The following CHD4 variants were observed in gnomAD, a reference collection of about 807,000 sequenced individuals.
CHD4 encodes the protein chromodomain helicase DNA binding protein 4, also known as ATP-dependent chromatin remodeler CHD4.
CHD4 carries 35 observed loss-of-function variants against 235.5 expected under a neutral mutation model. The ratio of observed to expected loss-of-function variants is 0.15; its 90% CI spans 0.11 to 0.20. CHD4 has a LOEUF of 0.20. CHD4 is among the 10% of genes least tolerant of loss of function. The pLI, the probability that CHD4 is intolerant of heterozygous loss-of-function variation, is 1.00. For synonymous variants in CHD4, 900 were observed against 850.2 expected (o/e 1.06, Z -1.02); for missense variants, 1,329 against 2,432.3 (o/e 0.55, Z 9.54).
In CHD4 at chr12:6,570,564, A is replaced by G. The variant is rs1947946152; in HGVS notation, c.*112T>C. 1.5e-6 allele frequency: 2 copies of G among 1,343,846 alleles called. No individual in the cohort carries two copies. The highest frequency in any genetic ancestry group is 4.6e-5 in the East Asian group (2 of 43,460). The allele number at this position is 1,343,846 out of a possible 1,614,324, so 83.2% of individuals were successfully genotyped here. A position where few individuals can be genotyped will look rare whatever the true frequency, so the allele number is the denominator to read the frequency against. Reference sequence around the variant, plus strand: ...CTGGGGCTGTTCCTTTACAACATGGAAGATGGGCAGAAGGAAGGTGAGGGT... The same window carrying G: ...CTGGGGCTGTTCCTTTACAACATGGGAGATGGGCAGAAGGAAGGTGAGGGT... On this transcript the variant is annotated 3_prime_UTR_variant, in exon 40 of 40. Coordinates refer to ENST00000544040, the MANE Select transcript of CHD4 (RefSeq NM_001273.5).
intron 30 of CHD4, 72 bp downstream of exon 30, chr12:6,582,065 A>G: frequency 6.9e-7 from 1 of 1,446,000 alleles, no homozygotes; most frequent in Non-Finnish European, 9.2e-7. Flanking sequence ...AGCCTCCCAA[A>G]GTGCTGGGAT....
At chr12:6,578,228 C>A in intron 35 of CHD4, 91 bp from the exon 36 acceptor site, 1 of 1,357,074 alleles carries the variant, frequency 7.4e-7, no homozygotes, top group Non-Finnish European at 1.0e-6. Flanking sequence ...CCCACCATCC[C>A]CTACCCCTGG....
chr12:6,581,015 AC>A (rs375917744), intron 33 of CHD4, 28 bp downstream of exon 33: 1 of 1,607,602 alleles, frequency 6.2e-7, no homozygotes, highest in East Asian at 2.3e-5. Flanking sequence ...AAACAAACAA[AC>A]AAACAAAAAA....
chr12:6,575,444 T>G (rs1449522426), intron 37 of CHD4, among the ~76,000 whole-genome samples: 1 of 144,750 alleles, frequency 6.9e-6, no homozygotes, highest in Admixed American at 6.9e-5. Context: ...AGTAAGACTT[T>G]GTCTCAAAAA....
At chr12:6,575,029 C>T (rs1055516326) in intron 37 of CHD4, among the ~76,000 whole-genome samples, 4 of 151,758 alleles carry the variant, frequency 2.6e-5, no homozygotes, top group African/African-American at 4.8e-5. Flanking sequence ...ATAGATGAAA[C>T]GCTGAAACAC....
Position 6,600,225 on chromosome 12 carries a change from G to C in CHD4, c.1234C>G (p.Pro412Ala). Residue 412 changes from proline to alanine, a missense_variant, in exon 9 of 40, where the codon CCA becomes GCA. Pro to Ala is a conservative substitution (Grantham distance 27, BLOSUM62 -1). Around this residue, in one of 26 missense-constraint regions of CHD4, gnomAD observed 37 missense variants for 49.9 expected, o/e 0.74. Transcript: ENST00000544040. ...EKAPEGKWSCPHCEKEGIQWE... is the reference protein window; with the variant it reads ...EKAPEGKWSCAHCEKEGIQWE... The stretch of plus-strand genomic sequence containing the variant: ...AATGGCCAGACACTCACGCAGTGTG[G>C]GCAGCTCCACTTGCCCTCGGGAGCC... 2 of 1,614,084 alleles carry C rather than the reference G, an allele frequency of 1.2e-6. No homozygotes were observed. The highest frequency in any genetic ancestry group is 1.7e-6 in the Non-Finnish European group (2 of 1,179,980).
Position 6,598,436 on chromosome 12 carries a change from A to G in CHD4, c.1483-11T>C. On this transcript the variant is annotated splice_polypyrimidine_tract_variant and intron_variant, in intron 10 of 39. Coordinates refer to ENST00000544040, the MANE Select transcript of CHD4 (RefSeq NM_001273.5). ...CTTCAGAGCTGGACACTGAGAGAAA[A>G]AGAGACAACTTAATCTCAAATCATA... 1 of 1,577,620 alleles carries G rather than the reference A, an allele frequency of 6.3e-7. No homozygotes were observed. The highest frequency in any genetic ancestry group is 2.3e-5 in the East Asian group (1 of 44,366).
chr12:6,576,813 T>C lies in CHD4; in HGVS notation c.5361+972A>G, dbSNP rs912919019. Among the ~76,000 whole-genome samples, 5 of 152,226 alleles carry C rather than the reference T, an allele frequency of 3.3e-5. No homozygotes were observed. In the South Asian group the frequency reaches 1.0e-3, roughly 32 times the overall value. On this transcript the variant is annotated intron_variant, in intron 37 of 39. Coordinates refer to ENST00000544040, the MANE Select transcript of CHD4 (RefSeq NM_001273.5). ...CTCCTACTTGAAACTGAAAGCTCCT[T>C]GAAAACAGATACCATGCTTTGTCTT...
Position 6,593,650 on chromosome 12 carries a change from G to A in CHD4, c.2314-34C>T. The A allele has an allele frequency of 1.2e-6, 2 of 1,600,462 alleles. No homozygotes were observed. Among genetic ancestry groups the A allele is most frequent in the Middle Eastern group, 1.7e-4 (1 of 5,718 alleles). On this transcript the variant is annotated intron_variant, in intron 15 of 39. Coordinates refer to ENST00000544040, the MANE Select transcript of CHD4 (RefSeq NM_001273.5). The surrounding 1 kb of genome is among the most constrained non-coding windows in gnomAD (Gnocchi z 4.9). ...AAAAAGAGGAGAGTCAGGACTGAGG[G>A]CCCCAGCACACTGCAACCCCAGCGA...
intron 9 of CHD4, 36 bp downstream of exon 9, chr12:6,600,181 A>G (rs959317703): frequency 6.2e-7 from 1 of 1,608,530 alleles, no homozygotes. Flanking sequence ...CCTTCTTCTC[A>G]TGGGTTCCAA....
intron 29 of CHD4, 152 bp downstream of exon 29, chr12:6,582,463 A>T: frequency 7.6e-7 from 1 of 1,323,928 alleles, no homozygotes; most frequent in Non-Finnish European, 1.0e-6. Flanking sequence ...TCTTCCAGGG[A>T]AGCTAGGAAC....
At chr12:6,599,689 C>A in intron 10 of CHD4, 84 bp downstream of exon 10, 1 of 1,553,806 alleles carries the variant, frequency 6.4e-7, no homozygotes, top group East Asian at 2.3e-5. Context: ...CATAGTTCCT[C>A]TCCTGCACCC....
At position 6,593,481 on chromosome 12, in the gene CHD4, G is replaced by T. The variant is rs1458674342; in HGVS notation, c.2449C>A (p.Arg817=). ...TCTTCAAAGGAGAACTCATTCTCTCGGATGATGGCACGGCTGTCCTTGTCA... is the reference window on the plus strand; with the variant it reads ...TCTTCAAAGGAGAACTCATTCTCTCTGATGATGGCACGGCTGTCCTTGTCA... The part of the protein sequence containing the change: ...VGDKDSRAII[R]ENEFSFEDNA... Residue 817 remains arginine, a synonymous_variant, in exon 16 of 40, where the codon CGA becomes AGA. Coordinates refer to ENST00000544040, the MANE Select transcript of CHD4 (RefSeq NM_001273.5). The surrounding 1 kb of genome is among the most constrained non-coding windows in gnomAD (Gnocchi z 4.9). 1 of 1,614,156 alleles carries T rather than the reference G, an allele frequency of 6.2e-7. No individual in the cohort carries two copies.
At chr12:6,595,243 G>A (rs528668895) in intron 14 of CHD4, 91 bp downstream of exon 14, 3 of 1,087,516 alleles carry the variant, frequency 2.8e-6, no homozygotes, top group African/African-American at 3.2e-5. Flanking sequence ...GTTACTATCT[G>A]CATTTCATTA....
At chr12:6,584,677 T>C (rs1948250705) in intron 25 of CHD4, 1 of 152,218 alleles carries the variant, frequency 6.6e-6, no homozygotes, top group Admixed American at 6.5e-5. Context: ...AGCCACCGTG[T>C]CTGGCCCTTT....
intron 8 of CHD4, 37 bp downstream of exon 8, chr12:6,600,497 C>A (rs1313510376): frequency 2.5e-6 from 4 of 1,610,536 alleles, no homozygotes; most frequent in Non-Finnish European, 3.4e-6. Flanking sequence ...ATCACTCCCA[C>A]CTCATCCCAT....
intron 33 of CHD4, chr12:6,580,809 C>T: frequency 2.1e-6 from 1 of 486,596 alleles, no homozygotes; most frequent in Non-Finnish European, 3.6e-6. Flanking sequence ...GAGATTTAGA[C>T]CAGCCTGGCC....
chr12:6,570,726 AGAT>A (rs1947951064), intron 39 of CHD4, 33 bp from the exon 40 acceptor site: 1 of 1,614,112 alleles, frequency 6.2e-7, no homozygotes, highest in Non-Finnish European at 8.5e-7. Context: ...TCAGAATTCC[AGAT>A]GATAGGAATC....
Position 6,570,985 on chromosome 12 carries a change from T to C in CHD4, c.5605A>G (p.Thr1869Ala). ...CGGGCAATGGTAGCTGGGAGTCGAG[T>C]CACATCAGCTTTCATGTCACTCAGC... ...ELLSDMKADV[T>A]RLPATIARIP... Residue 1869 changes from threonine (T) to alanine (A), a missense_variant, in exon 39 of 40, where the codon ACT becomes GCT. Thr to Ala is a moderately conservative substitution (Grantham distance 58). Transcript: ENST00000544040. 6.2e-7 allele frequency: 1 copy of C among 1,614,070 alleles called. No individual in the cohort carries two copies. The highest frequency in any genetic ancestry group is 8.5e-7 in the Non-Finnish European group (1 of 1,180,016).
Sources: allele counts gnomAD v4.1 joint callset (sites outside exome capture counted in the v4.1 genomes callset), GRCh38; gene constraint gnomAD v4.1.1; regional missense constraint gnomAD v4.1.1; non-coding constraint Gnocchi (gnomAD v3.1); transcripts MANE v1.5; gene names NCBI Gene and HGNC (gene_info 2026-07-23, HGNC 2026-07-21).